Variants in TMEM94 observed in about 807,000 individuals in gnomAD.
The protein encoded by TMEM94 is ER Mg2+ ATPase.
In TMEM94, 81 loss-of-function variants were observed where a neutral mutation model predicts 158.6. The ratio of observed to expected loss-of-function variants is 0.51; its 90% confidence interval spans 0.43 to 0.61. TMEM94 has a LOEUF of 0.61. Ranked by LOEUF, TMEM94 falls within the 20% of genes least tolerant of loss-of-function variation. TMEM94 has a pLI of 0.00. For synonymous variants in TMEM94, 751 were observed against 730.7 expected, an observed-to-expected ratio of 1.03 and a Z score of -0.45; for missense variants, 1,435 against 1,762.0, an observed-to-expected ratio of 0.81 and a Z score of 3.32.
In TMEM94 at chr17:75,494,631, G is replaced by C. The variant is rs145603801; in HGVS notation, c.2412G>C (p.Gly804=). ...TCCTGTGTGTCCTGCCTGAAGAAGG[G>C]ATCGGGGAGGTGCTGGAGAAGGAAG... The part of the protein sequence containing the change: ...ARRSSWSSDE[G]IGEVLEKEDC... The change falls in exon 19 of 32, where the codon GGG becomes GGC. Residue 804 remains glycine, a synonymous_variant. Coordinates refer to ENST00000314256, the MANE Select transcript of TMEM94 (RefSeq NM_014738.6). 7 of 1,613,486 alleles carry C rather than the reference G, an allele frequency of 4.3e-6. No individual in the cohort carries two copies. In the African/African-American group the frequency reaches 6.7e-5, roughly 15 times the overall value.
rs147066895 is a variant in TMEM94 at position 75,493,988 on chromosome 17, G to C, written c.2407+72G>C. On this transcript the variant is annotated intron_variant, in intron 18 of 31. Coordinates refer to ENST00000314256, the MANE Select transcript of TMEM94 (RefSeq NM_014738.6). ...GGCTGCCGAAGCCCAGGAGCAGGGAGGGCGTCTGGAGGGCCCCGGCACCCC... is the reference window on the plus strand; with the variant it reads ...GGCTGCCGAAGCCCAGGAGCAGGGACGGCGTCTGGAGGGCCCCGGCACCCC... 1,521 of 1,489,010 alleles carry C rather than the reference G, an allele frequency of 1.0e-3. 18 individuals are homozygous for C. The African/African-American group carries it at 0.019, about 18-fold the overall frequency. The allele number at this position is 1,489,010 out of a possible 1,614,324, so 92.2% of individuals were successfully genotyped here. A position where few individuals can be genotyped will look rare whatever the true frequency, so the allele number is the denominator to read the frequency against.
chr17:75,497,229 A>G (rs1292020849), intron 26 of TMEM94, 31 bp downstream of exon 26: 6 of 1,541,796 alleles, frequency 3.9e-6, no homozygotes, highest in South Asian at 3.3e-5. Context: ...CCCACACCCC[A>G]TGCCTAAGCA....
At chr17:75,464,625 T>C (rs2050227995) in intron 1 of TMEM94, among the ~76,000 whole-genome samples, 1 of 65,632 alleles carries the variant, frequency 1.5e-5, no homozygotes, top group African/African-American at 5.3e-5. Flanking sequence ...CTTTCTTTCC[T>C]TCCTTCCTTC....
In TMEM94 at chr17:75,485,532, G is replaced by A. The variant is rs1437100367; in HGVS notation, c.129G>A (p.Lys43=). Residue 43 remains lysine, a synonymous_variant, in exon 3 of 32, where the codon AAG becomes AAA. Transcript: ENST00000314256. This position sits in a 1 kb window ranked among gnomAD's most constrained non-coding sequence, Gnocchi z 5.5. ...VLEGHLRERK[K]CLTWKEVWRS... is the part of the protein sequence containing the mutation. ...AAGGACATCTCAGGGAGCGGAAGAAGTGTCTGACGTGGAAGGTGAAGCTTC... is the reference window on the plus strand; with the variant it reads ...AAGGACATCTCAGGGAGCGGAAGAAATGTCTGACGTGGAAGGTGAAGCTTC... The A allele has an allele frequency of 1.9e-6, 3 of 1,614,090 alleles. No homozygotes were observed. Among genetic ancestry groups the A allele is most frequent in the East Asian group, 2.2e-5 (1 of 44,902 alleles).
chr17:75,498,417 G>A lies in TMEM94; in HGVS notation c.3639-27G>A, dbSNP rs781164341. 1.9e-6 allele frequency: 3 copies of A among 1,601,140 alleles called. No individual in the cohort carries two copies. Among genetic ancestry groups the A allele is most frequent in the Non-Finnish European group, 2.6e-6 (3 of 1,172,164 alleles). ...GCCTACCTCCCTGCGGCCCTAGAGGGGCTGAGCCCATGCCTCACTTTGGCA... is the reference window on the plus strand; with the variant it reads ...GCCTACCTCCCTGCGGCCCTAGAGGAGCTGAGCCCATGCCTCACTTTGGCA... On this transcript the variant is annotated intron_variant, in intron 28 of 31. Transcript: ENST00000314256. The surrounding 1 kb of genome is among the most constrained non-coding windows in gnomAD (Gnocchi z 6.7).
chr17:75,486,822 G>T (rs760639193), intron 5 of TMEM94, among the ~76,000 whole-genome samples: 1 of 152,222 alleles, frequency 6.6e-6, no homozygotes. Context: ...GAATTGGGGT[G>T]GGGTAGGGGC....
intron 18 of TMEM94, 68 bp from the exon 19 acceptor site, chr17:75,494,559 G>C: frequency 1.3e-6 from 2 of 1,512,628 alleles, no homozygotes; most frequent in Non-Finnish European, 1.8e-6. Flanking sequence ...TGTGGCATCT[G>C]TGTGTGTGGC....
chr17:75,461,887 A>AT (rs2050082410), intron 1 of TMEM94, among the ~76,000 whole-genome samples: 3 of 147,908 alleles, frequency 2.0e-5, no homozygotes, highest in South Asian at 4.3e-4. Context: ...GCACTCCAGC[A>AT]TGGACGACAG....
chr17:75,457,346 A>T (rs1001225905), intron 1 of TMEM94: 37 of 151,090 alleles, frequency 2.4e-4, no homozygotes, highest in Admixed American at 1.8e-3. Flanking sequence ...GGATAAAGTG[A>T]CTCCTGTGGA....
rs1178879505 is a variant in TMEM94 at position 75,495,091 on chromosome 17, A to G, written c.2728+57A>G. On this transcript the variant is annotated intron_variant, in intron 20 of 31. Coordinates refer to ENST00000314256, the MANE Select transcript of TMEM94 (RefSeq NM_014738.6). The surrounding 1 kb of genome is among the most constrained non-coding windows in gnomAD (Gnocchi z 5.6). ...TGGCGGTGGGAGGATTCCCCTCCTC[A>G]GAGCCACAGCCAGGAAGAGCCTCCG... is the stretch of plus-strand genomic sequence containing the variant. 12 of 1,590,894 alleles carry G rather than the reference A, an allele frequency of 7.5e-6. No homozygotes were observed. The highest frequency in any genetic ancestry group is 1.3e-5 in the African/African-American group (1 of 74,448).
Position 75,487,963 on chromosome 17 carries a change from GCCC to G in TMEM94, c.442_444del (p.Pro148del). On this transcript the variant is annotated inframe_deletion, in exon 6 of 32. Transcript: ENST00000314256. This position sits in a 1 kb window ranked among gnomAD's most constrained non-coding sequence, Gnocchi z 4.6. The stretch of plus-strand genomic sequence containing the variant: ...TCAGGGATGGCAGGGAGATCCAGTG[GCCC>G]AGTGCCATGTATCCAGACCTCCACA... 6.2e-7 allele frequency: 1 copy of G among 1,614,102 alleles called. No homozygotes were observed. Among genetic ancestry groups the G allele is most frequent in the Non-Finnish European group, 8.5e-7 (1 of 1,179,960 alleles).
rs374535941 is a variant in TMEM94 at position 75,496,001 on chromosome 17, G to A, written c.2980G>A (p.Gly994Arg). 1.5e-5 allele frequency: 25 copies of A among 1,613,344 alleles called. No homozygotes were observed. The highest frequency in any genetic ancestry group is 9.9e-5 in the South Asian group (9 of 91,072). The change falls in exon 23 of 32, where the codon GGG becomes AGG. Residue 994 changes from glycine (G) to arginine (R), a missense_variant. Physicochemically the swap from Gly to Arg is moderately radical, Grantham distance 125 (BLOSUM62 -2). This residue lies in a region of TMEM94 where 49 missense variants were observed against 98.5 expected (regional missense o/e 0.50). Transcript: ENST00000314256. ...GATGATAAAGATCATGCAAGAGTAC[G>A]GGGAGGTGACCTGCTGCCTGGGCAG... ...CEMIKIMQEY[G>R]EVTCCLGSSA...
chr17:75,497,063 T>C, intron 25 of TMEM94, 50 bp from the exon 26 acceptor site: 1 of 1,528,630 alleles, frequency 6.5e-7, no homozygotes, highest in Admixed American at 1.7e-5. Flanking sequence ...CCTATGCCCT[T>C]ATTATTTGCC....
intron 2 of TMEM94, among the ~76,000 whole-genome samples, chr17:75,481,083 T>C (rs1304458170): frequency 6.6e-6 from 1 of 152,212 alleles, no homozygotes; most frequent in Non-Finnish European, 1.5e-5. Context: ...GCCTATGGTC[T>C]CCTCTTCCTG....
Position 75,496,456 on chromosome 17 carries a change from C to A in TMEM94, c.3228C>A (p.Ile1076=). The change falls in exon 24 of 32, where the codon ATC becomes ATA. Residue 1076 remains isoleucine, a synonymous_variant. Transcript: ENST00000314256. ...GCCAGGAGGAGACCATCAGCATCAT[C>A]CGGCTTATCGAACAGGTGGGTGCTT... ...TFRQEETISI[I]RLIEQARHAT... 6.2e-7 allele frequency: 1 copy of A among 1,612,604 alleles called. No homozygotes were observed. Among genetic ancestry groups the A allele is most frequent in the Non-Finnish European group, 8.5e-7 (1 of 1,179,360 alleles).
intron 1 of TMEM94, among the ~76,000 whole-genome samples, chr17:75,465,492 G>A (rs985971204): frequency 8.6e-5 from 13 of 150,972 alleles, no homozygotes; most frequent in African/African-American, 2.9e-4. Flanking sequence ...GTGCAGTGGC[G>A]AGATCATGGC....
At position 75,487,948 on chromosome 17, in the gene TMEM94, C is replaced by G; in HGVS notation, c.426C>G (p.Gly142=). Residue 142 remains glycine (G), a synonymous_variant, in exon 6 of 32, where the codon GGC becomes GGG. Coordinates refer to ENST00000314256, the MANE Select transcript of TMEM94 (RefSeq NM_014738.6). This position sits in a 1 kb window ranked among gnomAD's most constrained non-coding sequence, Gnocchi z 4.6. Reference sequence around the variant, plus strand: ...TCCCCTCAGATGCCCTCAGGGATGGCAGGGAGATCCAGTGGCCCAGTGCCA... The same window carrying G: ...TCCCCTCAGATGCCCTCAGGGATGGGAGGGAGATCCAGTGGCCCAGTGCCA... ...IDQIQDALRD[G]REIQWPSAMY... is the part of the protein sequence containing the mutation. 4 of 1,613,794 alleles carry G rather than the reference C, an allele frequency of 2.5e-6. No individual in the cohort carries two copies. Among genetic ancestry groups the G allele is most frequent in the Non-Finnish European group, 3.4e-6 (4 of 1,179,710 alleles).
intron 1 of TMEM94, among the ~76,000 whole-genome samples, chr17:75,461,224 G>A (rs995035545): frequency 4.0e-5 from 6 of 150,534 alleles, no homozygotes; most frequent in Non-Finnish European, 7.4e-5. Flanking sequence ...CTCAGCCTCC[G>A]GAGTAGCTGG....
At position 75,495,835 on chromosome 17, in the gene TMEM94, C is replaced by A. The variant is rs1217925647; in HGVS notation, c.2945-131C>A. On this transcript the variant is annotated intron_variant, in intron 22 of 31. Transcript: ENST00000314256. This position sits in a 1 kb window ranked among gnomAD's most constrained non-coding sequence, Gnocchi z 5.6. Reference sequence around the variant, plus strand: ...GCCGATGTTCACATGATCCCGCTGCCGGGGGTGGGATTGTTTCAAAGAGGG... The same window carrying A: ...GCCGATGTTCACATGATCCCGCTGCAGGGGGTGGGATTGTTTCAAAGAGGG... 3.7e-6 allele frequency: 3 copies of A among 802,690 alleles called. No homozygotes were observed. The highest frequency in any genetic ancestry group is 6.1e-6 in the Non-Finnish European group (3 of 490,790). The allele number at this position is 802,690 out of a possible 1,614,324, so 49.7% of individuals were successfully genotyped here.
Sources: gnomAD v4.1 joint callset for allele counts (sites outside exome capture counted in the v4.1 genomes callset) on GRCh38, gnomAD v4.1.1 for gene constraint, gnomAD v4.1.1 regional missense constraint, Gnocchi (gnomAD v3.1) non-coding constraint, MANE v1.5 for transcripts, NCBI Gene and HGNC (gene_info 2026-07-23, HGNC 2026-07-21) for gene names.